HTRA1: variants seen among roughly 807,000 people sequenced by gnomAD.
HTRA1 encodes the protein serine protease HTRA1.
HTRA1 carries 26 observed loss-of-function variants against 49.7 expected under a neutral mutation model. The observed-to-expected ratio is 0.52, with a 90% CI of 0.38 to 0.73. The LOEUF (loss-of-function observed/expected upper bound fraction) is 0.73. HTRA1 is among the 30% of genes least tolerant of loss of function. The pLI, the probability that HTRA1 is intolerant of heterozygous loss-of-function variation, is 0.00. For missense variants in HTRA1, 561 were observed against 667.2 expected (o/e 0.84, Z 1.75); for synonymous variants, 291 against 286.9 (o/e 1.01, Z -0.14).
At chr10:122,513,105 A>G (rs1284537053) in intron 8 of HTRA1, among the ~76,000 whole-genome samples, 3 of 152,206 alleles carry the variant, frequency 2.0e-5, no homozygotes, top group Admixed American at 1.3e-4. Context: ...GACCATATGT[A>G]CTGCAAAGCC....
intron 3 of HTRA1, among the ~76,000 whole-genome samples, chr10:122,493,381 T>A (rs976832775): frequency 3.3e-5 from 5 of 152,226 alleles, no homozygotes; most frequent in Admixed American, 6.5e-5. Flanking sequence ...AGAAAGCAGC[T>A]TTGAGGGCAG....
At chr10:122,510,854 T>C (rs896023650) in intron 7 of HTRA1, among the ~76,000 whole-genome samples, 1 of 152,250 alleles carries the variant, frequency 6.6e-6, no homozygotes, top group African/African-American at 2.4e-5. Context: ...ATTCACTCAC[T>C]GTGAAAGTAT....
At chr10:122,509,563 G>A (rs1487757955) in intron 6 of HTRA1, among the ~76,000 whole-genome samples, 1 of 152,224 alleles carries the variant, frequency 6.6e-6, no homozygotes, top group Non-Finnish European at 1.5e-5. Context: ...GCCAAGGCCG[G>A]GCGAGCAGGC....
At chr10:122,505,989 T>A (rs1439276550) in intron 3 of HTRA1, among the ~76,000 whole-genome samples, 1 of 151,196 alleles carries the variant, frequency 6.6e-6, no homozygotes. Context: ...TGTGGGACGC[T>A]GGAGATCAGG....
chr10:122,471,931 T>G lies in HTRA1; in HGVS notation c.472+9807T>G, dbSNP rs148056146. 3.1e-3 allele frequency among the ~76,000 whole-genome samples: 468 copies of G among 152,336 alleles called. 1 individual carries two copies. The highest frequency in any genetic ancestry group is 4.5e-3 in the Non-Finnish European group (306 of 68,032). ...GAAAACCCTTCTCCCTACTTCTCCC[T>G]AAAATAATTTCCTTGGGTTAGAAGA... On this transcript the variant is annotated intron_variant, in intron 1 of 8. Coordinates refer to ENST00000368984, the MANE Select transcript of HTRA1 (RefSeq NM_002775.5).
In HTRA1 at chr10:122,514,368, A is replaced by G; in HGVS notation, c.*9A>G. ...AAGAAATTGACCCATAGGCAGAGGC[A>G]TGAGCTGGACTTCATGTTTCCCTCA... On this transcript the variant is annotated 3_prime_UTR_variant, in exon 9 of 9. Coordinates refer to ENST00000368984, the MANE Select transcript of HTRA1 (RefSeq NM_002775.5). 1 of 1,613,786 alleles carries G rather than the reference A, an allele frequency of 6.2e-7. No individual in the cohort carries two copies. The highest frequency in any genetic ancestry group is 1.1e-5 in the South Asian group (1 of 91,076).
chr10:122,469,515 A>C (rs966876657), intron 1 of HTRA1, among the ~76,000 whole-genome samples: 10 of 152,150 alleles, frequency 6.6e-5, no homozygotes, highest in Non-Finnish European at 1.2e-4. Flanking sequence ...GCTATACAGG[A>C]ATATTGTATT....
intron 1 of HTRA1, among the ~76,000 whole-genome samples, chr10:122,466,190 G>GT (rs1464600620): frequency 2.0e-5 from 3 of 151,980 alleles, no homozygotes; most frequent in African/African-American, 7.2e-5. Context: ...TTTTGAGACA[G>GT]TGTCTCGTTC....
Position 122,489,457 on chromosome 10 carries a change from G to A in HTRA1, c.608G>A (p.Ser203Asn), listed in dbSNP as rs1565422394. 1 of 1,614,234 alleles carries A rather than the reference G, an allele frequency of 6.2e-7. No homozygotes were observed. The change falls in exon 3 of 9, where the codon AGT becomes AAT. Residue 203 changes from serine (S) to asparagine (N), a missense_variant. This residue lies in a region of HTRA1 where 271 missense variants were observed against 410.0 expected (regional missense o/e 0.66). Coordinates refer to ENST00000368984, the MANE Select transcript of HTRA1 (RefSeq NM_002775.5). ...PFSKREVPVA[S>N]GSGFIVSEDG... is the part of the protein sequence containing the mutation. ...TCTAAACGAGAGGTGCCGGTGGCTA[G>A]TGGGTCTGGGTTTATTGTGTCGGAA... is the stretch of plus-strand genomic sequence containing the variant.
chr10:122,499,095 G>A (rs1015883300), intron 3 of HTRA1, among the ~76,000 whole-genome samples: 4 of 152,170 alleles, frequency 2.6e-5, no homozygotes, highest in Non-Finnish European at 5.9e-5. Flanking sequence ...GCAGGGTCAA[G>A]CCACTCCCAC....
chr10:122,493,583 A>G (rs770499026), intron 3 of HTRA1, among the ~76,000 whole-genome samples: 2 of 152,160 alleles, frequency 1.3e-5, no homozygotes, highest in Non-Finnish European at 2.9e-5. Context: ...TGGTTTCTTC[A>G]GGCTGGAGTA....
At chr10:122,483,979 C>CAT (rs3831806) in intron 1 of HTRA1, among the ~76,000 whole-genome samples, 2,729 of 152,288 alleles carry the variant, frequency 0.018, 72 homozygotes, top group East Asian at 0.13. Context: ...TATAGACTAT[C>CAT]ATATATATCA....
rs200142222 is a variant in HTRA1 at position 122,489,046 on chromosome 10, C to T, written c.572+45C>T. ...TTCCTATAACCTCCGAAGCTTTCAC[C>T]GCCACTAGCAAAACATGAGAGCTAT... is the stretch of plus-strand genomic sequence containing the variant. On this transcript the variant is annotated intron_variant, in intron 2 of 8. Transcript: ENST00000368984. 1.1e-4 allele frequency: 142 copies of T among 1,330,746 alleles called. No individual in the cohort carries two copies. In the African/African-American group the frequency reaches 1.2e-3, roughly 11 times the overall value. The allele number at this position is 1,330,746 out of a possible 1,614,324, so 82.4% of individuals were successfully genotyped here.
rs549197120 is a variant in HTRA1 at position 122,477,124 on chromosome 10, T to C, written c.473-11778T>C. On this transcript the variant is annotated intron_variant, in intron 1 of 8. Transcript: ENST00000368984. ...CTGGGACCACAGGTGCCTGCCACCATGCCTGGCTAATTTTTTGTATTTTTA... is the reference window on the plus strand; with the variant it reads ...CTGGGACCACAGGTGCCTGCCACCACGCCTGGCTAATTTTTTGTATTTTTA... 3.4e-4 allele frequency among the ~76,000 whole-genome samples: 52 copies of C among 152,102 alleles called. 1 individual carries two copies. The highest frequency in any genetic ancestry group is 2.5e-3 in the South Asian group (12 of 4,816).
intron 7 of HTRA1, among the ~76,000 whole-genome samples, chr10:122,511,430 A>G (rs553255463): frequency 6.6e-6 from 1 of 152,286 alleles, no homozygotes; most frequent in African/African-American, 2.4e-5. Flanking sequence ...CTATTAATTA[A>G]GAAATAATAA....
At position 122,506,093 on chromosome 10, in the gene HTRA1, C is replaced by T. The variant is rs867356970; in HGVS notation, c.778-598C>T. ...GGAGAGGAGAGACAGCCTACCTATTCGGTCTTGCTGTCCCCATGCTCCATC... is the reference window on the plus strand; with the variant it reads ...GGAGAGGAGAGACAGCCTACCTATTTGGTCTTGCTGTCCCCATGCTCCATC... On this transcript the variant is annotated intron_variant, in intron 3 of 8. Transcript: ENST00000368984. The surrounding 1 kb of genome is among the most constrained non-coding windows in gnomAD (Gnocchi z 5.2). 2.1e-3 allele frequency among the ~76,000 whole-genome samples: 7 copies of T among 3,406 alleles called. No individual in the cohort carries two copies. Among genetic ancestry groups the T allele is most frequent in the Admixed American group, 0.019 (4 of 214 alleles). The allele number at this position is 3,406 out of a possible 152,430, so 2.2% of individuals were successfully genotyped here. A position where few individuals can be genotyped will look rare whatever the true frequency, so the allele number is the denominator to read the frequency against.
At chr10:122,509,282 A>G (rs1484714122) in intron 6 of HTRA1, among the ~76,000 whole-genome samples, 1 of 152,182 alleles carries the variant, frequency 6.6e-6, no homozygotes, top group Admixed American at 6.5e-5. Flanking sequence ...TAAATAATCA[A>G]ACACATAAGA....
intron 8 of HTRA1, among the ~76,000 whole-genome samples, chr10:122,513,185 T>C (rs751455131): frequency 6.6e-6 from 1 of 152,150 alleles, no homozygotes; most frequent in Non-Finnish European, 1.5e-5. Context: ...TGAAGGACCA[T>C]GACAGCGTTT....
chr10:122,470,678 A>G (rs1007723474), intron 1 of HTRA1, among the ~76,000 whole-genome samples: 1 of 151,916 alleles, frequency 6.6e-6, no homozygotes, highest in African/African-American at 2.4e-5. Flanking sequence ...GATACAAGGA[A>G]TATGAAGGAG....
Sources: gnomAD v4.1 joint callset for allele counts (sites outside exome capture counted in the v4.1 genomes callset) on GRCh38, gnomAD v4.1.1 for gene constraint, gnomAD v4.1.1 regional missense constraint, Gnocchi (gnomAD v3.1) non-coding constraint, MANE v1.5 for transcripts, NCBI Gene and HGNC (gene_info 2026-07-23, HGNC 2026-07-21) for gene names.